Variants in PSMD4 observed in about 807,000 individuals in gnomAD.
PSMD4 encodes the protein proteasome 26S subunit ubiquitin receptor, non-ATPase 4.
In PSMD4, 5 loss-of-function variants were observed where a neutral mutation model predicts 39.7. The ratio of observed to expected loss-of-function variants is 0.13; its 90% confidence interval spans 0.07 to 0.26. The LOEUF is 0.26. Ranked by LOEUF, PSMD4 falls within the 10% of genes least tolerant of loss-of-function variation. The pLI is 1.00. For missense variants in PSMD4, 272 were observed against 486.1 expected (o/e 0.56, Z 4.14); for synonymous variants, 143 against 174.6 (o/e 0.82, Z 1.43).
intron 2 of PSMD4, among the ~76,000 whole-genome samples, chr1:151,263,567 G>A (rs1426431791): frequency 1.3e-5 from 2 of 152,106 alleles, no homozygotes; most frequent in Non-Finnish European, 2.9e-5. Context: ...GGTGGCTCAC[G>A]CCTGTAATCC....
intron 4 of PSMD4, 51 bp from the exon 5 acceptor site, chr1:151,265,113 TCC>T (rs3216063): frequency 6.7e-7 from 1 of 1,487,946 alleles, no homozygotes; most frequent in Admixed American, 2.0e-5. Context: ...GCGGGTCCTT[TCC>T]CCCCCTCGAG....
chr1:151,267,133 G>A (rs113769567), intron 9 of PSMD4, 40 bp from the exon 10 acceptor site: 15 of 1,612,398 alleles, frequency 9.3e-6, no homozygotes, highest in African/African-American at 2.7e-5. Context: ...ACTTCCTGCC[G>A]CTCCATACCC....
In PSMD4 at chr1:151,262,469, A is replaced by G. The variant is rs186852354; in HGVS notation, c.167+168A>G. Reference sequence around the variant, plus strand: ...TGTTTTTTGTATTAACCTGTATTTAATGTAGTACGGAAGCTAAATCTCCTG... The same window carrying G: ...TGTTTTTTGTATTAACCTGTATTTAGTGTAGTACGGAAGCTAAATCTCCTG... On this transcript the variant is annotated intron_variant, in intron 2 of 9. Transcript: ENST00000368884. The G allele has an allele frequency of 1.4e-5, 11 of 765,096 alleles. No homozygotes were observed. In the East Asian group the frequency reaches 2.7e-4, roughly 19 times the overall value. 47.4% of individuals were successfully genotyped at this position (765,096 alleles called of 1,614,324 possible).
chr1:151,254,737 G>A lies in PSMD4; in HGVS notation c.-46G>A. 1 of 1,546,800 alleles carries A rather than the reference G, an allele frequency of 6.5e-7. No homozygotes were observed. The highest frequency in any genetic ancestry group is 2.5e-5 in the East Asian group (1 of 39,754). On this transcript the variant is annotated 5_prime_UTR_variant, in exon 1 of 10. Coordinates refer to ENST00000368884, the MANE Select transcript of PSMD4 (RefSeq NM_002810.4). ...CGACGGGCCAATTGGAGGAGTTGTTGTTAGGCCGTCCCGGAGACCCGGTCG... is the reference window on the plus strand; with the variant it reads ...CGACGGGCCAATTGGAGGAGTTGTTATTAGGCCGTCCCGGAGACCCGGTCG...
intron 7 of PSMD4, 70 bp downstream of exon 7, chr1:151,266,182 G>T: frequency 1.3e-6 from 2 of 1,590,060 alleles, no homozygotes; most frequent in Non-Finnish European, 8.6e-7. Flanking sequence ...TGTAGGCACT[G>T]CAGGGAGAGT....
At chr1:151,266,872 G>T (rs1283757202) in intron 9 of PSMD4, 1 of 710,850 alleles carries the variant, frequency 1.4e-6, no homozygotes. Flanking sequence ...CTGGGAAAAA[G>T]AAAAAGGAGA....
Position 151,264,022 on chromosome 1 carries a change from G to C in PSMD4, c.276G>C (p.Val92=), listed in dbSNP as rs139032841. Residue 92 remains valine, a synonymous_variant, in exon 3 of 10, where the codon GTG becomes GTC. Transcript: ENST00000368884. ...GKITFCTGIR[V]AHLALKHRQG... is the part of the protein sequence containing the mutation. ...TCACCTTCTGCACGGGCATCCGCGTGGCCCATGTGAGTCCTACTGGGTTCC... is the reference window on the plus strand; with the variant it reads ...TCACCTTCTGCACGGGCATCCGCGTCGCCCATGTGAGTCCTACTGGGTTCC... 825 of 1,591,516 alleles carry C rather than the reference G, an allele frequency of 5.2e-4. 2 individuals are homozygous for C. The highest frequency in any genetic ancestry group is 4.6e-3 in the Middle Eastern group (28 of 6,028).
At position 151,266,120 on chromosome 1, in the gene PSMD4, A is replaced by AG. The variant is rs1160913384; in HGVS notation, c.763+10dup. On this transcript the variant is annotated intron_variant, in intron 7 of 9. Coordinates refer to ENST00000368884, the MANE Select transcript of PSMD4 (RefSeq NM_002810.4). The stretch of plus-strand genomic sequence containing the variant: ...CTACGACTGGGACTGAAGGTGAAAG[A>AG]GGTGGAATCCGAAGTCCTGGGACTG... 1 of 1,602,258 alleles carries AG rather than the reference A, an allele frequency of 6.2e-7. No homozygotes were observed. Among genetic ancestry groups the AG allele is most frequent in the South Asian group, 1.1e-5 (1 of 89,226 alleles).
At chr1:151,266,979 G>A (rs1468693316) in intron 9 of PSMD4, 194 bp from the exon 10 acceptor site, 2 of 746,346 alleles carry the variant, frequency 2.7e-6, no homozygotes, top group Non-Finnish European at 2.4e-6. Flanking sequence ...CCTCTATTTG[G>A]TTAGTAATAA....
At position 151,265,432 on chromosome 1, in the gene PSMD4, G is replaced by A. The variant is rs61732647; in HGVS notation, c.477G>A (p.Thr159=). 1,532 of 1,614,214 alleles carry A rather than the reference G, an allele frequency of 9.5e-4. 16 individuals are homozygous for A. In the African/African-American group the frequency reaches 0.017, roughly 18 times the overall value. The stretch of plus-strand genomic sequence containing the variant: ...AAAAGCTGACAGCCTTTGTAAACAC[G>A]TTGAATGGCAAAGATGGAACCGGTT... ...NTEKLTAFVN[T]LNGKDGTGSH... The change falls in exon 6 of 10, where the codon ACG becomes ACA. Residue 159 remains threonine (T), a synonymous_variant. Transcript: ENST00000368884.
At position 151,266,334 on chromosome 1, in the gene PSMD4, A is replaced by G. The variant is rs1693448473; in HGVS notation, c.790A>G (p.Thr264Ala). Residue 264 changes from threonine to alanine, a missense_variant, in exon 8 of 10, where the codon ACC becomes GCC. Transcript: ENST00000368884. ...EDSDDALLKMTISQQEFGRTG... is the reference protein window; with the variant it reads ...EDSDDALLKMAISQQEFGRTG... The stretch of plus-strand genomic sequence containing the variant: ...CTCAGACGATGCCCTGCTGAAGATG[A>G]CCATCAGCCAGCAAGAGTTTGGCCG... 2 of 1,614,154 alleles carry G rather than the reference A, an allele frequency of 1.2e-6. No individual in the cohort carries two copies. The highest frequency in any genetic ancestry group is 4.5e-5 in the East Asian group (2 of 44,888).
Position 151,263,964 on chromosome 1 carries a change from C to T in PSMD4, c.218C>T (p.Ser73Phe). 1.2e-6 allele frequency: 2 copies of T among 1,604,346 alleles called. No homozygotes were observed. Among genetic ancestry groups the T allele is most frequent in the South Asian group, 2.2e-5 (2 of 89,028 alleles). ...TLTPDTGRIL[S>F]KLHTVQPKGK... ...ACCCCAGACACTGGCCGTATCCTGT[C>T]CAAGCTACATACTGTCCAACCCAAG... The change falls in exon 3 of 10, where the codon TCC (serine) becomes TTC (phenylalanine). Residue 73 changes from serine (S) to phenylalanine (F), a missense_variant. Transcript: ENST00000368884.
chr1:151,261,177 T>TTC (rs1284606954), intron 1 of PSMD4, among the ~76,000 whole-genome samples: 1 of 149,762 alleles, frequency 6.7e-6, no homozygotes, highest in Non-Finnish European at 1.5e-5. Context: ...TTTTTTTCTT[T>TTC]TTCTTTTTTT....
rs376648335 is a variant in PSMD4, at chr1:151,266,586, A to G, written c.962A>G (p.Lys321Arg). The G allele has an allele frequency of 6.2e-7, 1 of 1,614,048 alleles. No homozygotes were observed. The highest frequency in any genetic ancestry group is 1.3e-5 in the African/African-American group (1 of 74,940). ...GCTATGGACACATCTGAGCCAGCCA[A>G]GGTGAGACCCAACCCTGCCCCCATC... ...SSAMDTSEPA[K>R]EEDDYDVMQD... Residue 321 changes from lysine to arginine, a missense_variant and splice_region_variant, in exon 9 of 10, where the codon AAG (lysine) becomes AGG (arginine). This residue lies in a region of PSMD4 where 113 missense variants were observed against 184.6 expected (regional missense o/e 0.61). Coordinates refer to ENST00000368884, the MANE Select transcript of PSMD4 (RefSeq NM_002810.4).
Position 151,263,910 on chromosome 1 carries a change from C to G in PSMD4, c.168-4C>G, listed in dbSNP as rs1693371147. ...TTCACTGAAATGCTTTTCCTACATC[C>G]CAGTGACTGTGAAGTGCTGACCACA... On this transcript the variant is annotated splice_region_variant and splice_polypyrimidine_tract_variant and intron_variant, in intron 2 of 9. Coordinates refer to ENST00000368884, the MANE Select transcript of PSMD4 (RefSeq NM_002810.4). The G allele has an allele frequency of 6.4e-7, 1 of 1,561,668 alleles. No individual in the cohort carries two copies. Among genetic ancestry groups the G allele is most frequent in the Non-Finnish European group, 8.7e-7 (1 of 1,148,862 alleles).
chr1:151,259,634 A>G (rs935326824), intron 1 of PSMD4, among the ~76,000 whole-genome samples: 2 of 152,178 alleles, frequency 1.3e-5, no homozygotes, highest in African/African-American at 4.8e-5. Flanking sequence ...CACACCTGTA[A>G]TCCCAGCACT....
In PSMD4 at chr1:151,263,853, A is replaced by G. The variant is rs970549891; in HGVS notation, c.168-61A>G. 1.2e-5 allele frequency: 14 copies of G among 1,143,740 alleles called. No homozygotes were observed. The African/African-American group carries it at 2.2e-4, about 18-fold the overall frequency. 70.8% of individuals were successfully genotyped at this position (1,143,740 alleles called of 1,614,324 possible). A position where few individuals can be genotyped will look rare whatever the true frequency, so the allele number is the denominator to read the frequency against. ...TAAAAAATAAATAAATAAAAGTTAGACACAGTTTAGAGGTACTTGTGCTGA... is the reference window on the plus strand; with the variant it reads ...TAAAAAATAAATAAATAAAAGTTAGGCACAGTTTAGAGGTACTTGTGCTGA... On this transcript the variant is annotated intron_variant, in intron 2 of 9. Coordinates refer to ENST00000368884, the MANE Select transcript of PSMD4 (RefSeq NM_002810.4).
rs887450542 is a variant in PSMD4 at position 151,254,740 on chromosome 1, A to T, written c.-43A>T. 6 of 1,547,998 alleles carry T rather than the reference A, an allele frequency of 3.9e-6. No individual in the cohort carries two copies. Among genetic ancestry groups the T allele is most frequent in the Admixed American group, 2.0e-5 (1 of 50,104 alleles). On this transcript the variant is annotated 5_prime_UTR_variant, in exon 1 of 10. Coordinates refer to ENST00000368884, the MANE Select transcript of PSMD4 (RefSeq NM_002810.4). Reference sequence around the variant, plus strand: ...CGGGCCAATTGGAGGAGTTGTTGTTAGGCCGTCCCGGAGACCCGGTCGGGA... The same window carrying T: ...CGGGCCAATTGGAGGAGTTGTTGTTTGGCCGTCCCGGAGACCCGGTCGGGA...
chr1:151,265,308 C>G, intron 5 of PSMD4, 74 bp downstream of exon 5: 1 of 1,585,740 alleles, frequency 6.3e-7, no homozygotes, highest in Non-Finnish European at 8.7e-7. Flanking sequence ...CTGAGGAGTG[C>G]GGGTACTGTG....
Sources: gnomAD v4.1 joint callset for allele counts (sites outside exome capture counted in the v4.1 genomes callset) on GRCh38, gnomAD v4.1.1 for gene constraint, gnomAD v4.1.1 regional missense constraint, MANE v1.5 for transcripts, NCBI Gene and HGNC (gene_info 2026-07-23, HGNC 2026-07-21) for gene names.